Variants in PID1 observed in about 807,000 individuals in gnomAD.
PID1 encodes PTB-containing, cubilin and LRP1-interacting protein.
PID1 carries 10 observed loss-of-function variants against 19.1 expected under a neutral mutation model. The ratio of observed to expected loss-of-function variants is 0.52; its 90% CI spans 0.32 to 0.89. PID1 has a LOEUF of 0.89. Among genes scored for constraint, PID1 ranks in the 40% least tolerant of loss-of-function variants. The probability of loss-of-function intolerance (pLI) is 0.03; values close to 1 mark genes in which losing one functional copy is unlikely to be tolerated. For missense variants in PID1, 248 were observed against 285.3 expected (o/e 0.87, Z 0.94); for synonymous variants, 130 against 116.0 (o/e 1.12, Z -0.78).
intron 1 of PID1, among the ~76,000 whole-genome samples, chr2:229,170,400 T>C (rs1425711847): frequency 1.3e-5 from 2 of 152,014 alleles, no homozygotes; most frequent in African/African-American, 4.8e-5. Flanking sequence ...TTGCAACATT[T>C]CCCCCCACAA....
intron 1 of PID1, among the ~76,000 whole-genome samples, chr2:229,191,507 G>A (rs1216962185): frequency 6.6e-6 from 1 of 152,152 alleles, no homozygotes; most frequent in South Asian, 2.1e-4. Context: ...ACATCCATCA[G>A]TGCCTCAAAG....
chr2:229,195,321 T>C (rs532540121), intron 1 of PID1, among the ~76,000 whole-genome samples: 3 of 151,840 alleles, frequency 2.0e-5, no homozygotes, highest in African/African-American at 7.2e-5. Context: ...TTCATATACA[T>C]AGATAAATGA....
At chr2:229,176,129 T>C (rs1690816895) in intron 1 of PID1, among the ~76,000 whole-genome samples, 1 of 150,756 alleles carries the variant, frequency 6.6e-6, no homozygotes, top group East Asian at 2.0e-4. Flanking sequence ...TTCTACAGTT[T>C]AGTCCAAAGT....
At chr2:229,077,569 T>C (rs1307634573) in intron 2 of PID1, among the ~76,000 whole-genome samples, 3 of 152,224 alleles carry the variant, frequency 2.0e-5, no homozygotes, top group Admixed American at 6.5e-5. Flanking sequence ...GTATAAGGTG[T>C]AAGGAAGGGG....
At chr2:229,128,043 G>A (rs543455862) in intron 2 of PID1, among the ~76,000 whole-genome samples, 1 of 152,228 alleles carries the variant, frequency 6.6e-6, no homozygotes, top group South Asian at 2.1e-4. Flanking sequence ...GAGATGGCAG[G>A]GCTGTGTGTG....
intron 1 of PID1, among the ~76,000 whole-genome samples, chr2:229,221,365 C>T (rs1025319265): frequency 6.6e-6 from 1 of 152,208 alleles, no homozygotes; most frequent in African/African-American, 2.4e-5. Flanking sequence ...TCTGTCCCCA[C>T]TCCATGCTCC....
intron 1 of PID1, among the ~76,000 whole-genome samples, chr2:229,163,680 T>TGTGTGTGTGTGCGC (rs1365270238): frequency 9.6e-6 from 1 of 103,714 alleles, no homozygotes; most frequent in East Asian, 2.4e-4. Context: ...TGTGTGCGTG[T>TGTGTGTGTGTGCGC]GCGTGTGTGT....
intron 2 of PID1, among the ~76,000 whole-genome samples, chr2:229,091,199 AT>A (rs1232212723): frequency 1.3e-5 from 2 of 152,192 alleles, no homozygotes; most frequent in African/African-American, 4.8e-5. Context: ...ACTGTAGAAA[AT>A]AAGAATTAAA....
intron 1 of PID1, among the ~76,000 whole-genome samples, chr2:229,246,478 C>T (rs879586349): frequency 1.3e-5 from 2 of 152,116 alleles, no homozygotes; most frequent in Non-Finnish European, 2.9e-5. Context: ...GTTACATACC[C>T]GTCTAACAAT....
At chr2:229,260,510 G>A (rs1396785025) in intron 1 of PID1, among the ~76,000 whole-genome samples, 1 of 150,816 alleles carries the variant, frequency 6.6e-6, no homozygotes, top group African/African-American at 2.4e-5. Flanking sequence ...GCATGTGTGT[G>A]TGTGTATATA....
At chr2:229,124,790 G>C (rs1044307936) in intron 2 of PID1, among the ~76,000 whole-genome samples, 1 of 152,118 alleles carries the variant, frequency 6.6e-6, no homozygotes, top group Non-Finnish European at 1.5e-5. Context: ...GTTTGTAACA[G>C]AGTCTGGGTG....
At chr2:229,144,711 G>A (rs1264345425) in intron 2 of PID1, among the ~76,000 whole-genome samples, 2 of 152,180 alleles carry the variant, frequency 1.3e-5, no homozygotes, top group East Asian at 1.9e-4. Flanking sequence ...AAAGTGTAGT[G>A]TTTGGATATG....
At chr2:229,151,821 C>T (rs971347238) in intron 2 of PID1, among the ~76,000 whole-genome samples, 2 of 152,268 alleles carry the variant, frequency 1.3e-5, no homozygotes, top group South Asian at 2.1e-4. Flanking sequence ...CCGCCCGCCT[C>T]GGCCTCCCAA....
At chr2:229,239,227 T>A (rs1207526742) in intron 1 of PID1, among the ~76,000 whole-genome samples, 1 of 152,078 alleles carries the variant, frequency 6.6e-6, no homozygotes, top group Non-Finnish European at 1.5e-5. Context: ...GGCCAAGAAT[T>A]TGCATTTATT....
intron 2 of PID1, among the ~76,000 whole-genome samples, chr2:229,140,581 A>T (rs1689991335): frequency 6.6e-6 from 1 of 152,112 alleles, no homozygotes. Context: ...AAAACTGATG[A>T]TCCAATTGCA....
At chr2:229,082,025 C>G (rs1363642581) in intron 2 of PID1, among the ~76,000 whole-genome samples, 1 of 152,180 alleles carries the variant, frequency 6.6e-6, no homozygotes, top group Non-Finnish European at 1.5e-5. Flanking sequence ...CTTAACCTAA[C>G]AGAAAATGTG....
chr2:229,247,782 A>G (rs1690042191), intron 1 of PID1, among the ~76,000 whole-genome samples: 1 of 152,260 alleles, frequency 6.6e-6, no homozygotes, highest in African/African-American at 2.4e-5. Flanking sequence ...ACACGCATGC[A>G]TAATGTCTTC....
At chr2:229,149,405 A>G (rs183513181) in intron 2 of PID1, among the ~76,000 whole-genome samples, 1 of 152,312 alleles carries the variant, frequency 6.6e-6, no homozygotes, top group Non-Finnish European at 1.5e-5. Flanking sequence ...TCAAATCAAG[A>G]GTCCTTATCA....
chr2:229,206,398 A>G (rs967369638), intron 1 of PID1, among the ~76,000 whole-genome samples: 12 of 152,162 alleles, frequency 7.9e-5, no homozygotes, highest in African/African-American at 2.9e-4. Context: ...GAGAAACAAT[A>G]AACAATGTAT....
Sources: allele counts gnomAD v4.1 joint callset (sites outside exome capture counted in the v4.1 genomes callset), GRCh38; gene constraint gnomAD v4.1.1; transcripts MANE v1.5; gene names NCBI Gene and HGNC (gene_info 2026-07-23, HGNC 2026-07-21).